CAST: variants seen among roughly 807,000 people sequenced by gnomAD.
CAST encodes the protein calpastatin.
CAST carries 76 observed loss-of-function variants against 119.6 expected under a neutral mutation model. That is an observed-to-expected ratio of 0.64 (90% CI 0.53 to 0.77). The LOEUF is 0.77. Among genes scored for constraint, CAST ranks in the 30% least tolerant of loss-of-function variants. CAST has a pLI of 0.00. For missense variants in CAST, 953 were observed against 946.5 expected, an observed-to-expected ratio of 1.01 and a Z score of -0.09; for synonymous variants, 319 against 331.6, an observed-to-expected ratio of 0.96 and a Z score of 0.41.
At chr5:96,320,274 G>C in the CAST span, among the ~76,000 whole-genome samples, 37 of 139,092 alleles carry the variant, frequency 2.7e-4, no homozygotes, top group Non-Finnish European at 3.8e-4. Context: ...TTTTTGCCCA[G>C]GTTCCCAGAC....
At chr5:96,008,738 C>G in the CAST span, among the ~76,000 whole-genome samples, 1 of 152,164 alleles carries the variant, frequency 6.6e-6, no homozygotes, top group Non-Finnish European at 1.5e-5. Flanking sequence ...TGAGATCATT[C>G]TAATGAGAAG....
intron 1 of CAST, among the ~76,000 whole-genome samples, chr5:96,548,828 C>T (rs1171847720): frequency 2.0e-5 from 3 of 152,232 alleles, no homozygotes; most frequent in Middle Eastern, 3.4e-3. Context: ...TGGATAAGTA[C>T]CAAAATTCAG....
intron 1 of CAST, among the ~76,000 whole-genome samples, chr5:96,542,996 C>T (rs1310002605): frequency 1.3e-5 from 2 of 152,224 alleles, no homozygotes; most frequent in East Asian, 3.9e-4. Flanking sequence ...GGATCTAGAA[C>T]CAGAAATAAC....
the CAST span, among the ~76,000 whole-genome samples, chr5:96,337,434 A>G: frequency 1.3e-5 from 2 of 152,250 alleles, no homozygotes; most frequent in East Asian, 1.9e-4. Flanking sequence ...GTCAATTGAC[A>G]TTGAACTTCA....
chr5:96,144,968 G>A, the CAST span, among the ~76,000 whole-genome samples: 2 of 152,210 alleles, frequency 1.3e-5, no homozygotes, highest in South Asian at 2.1e-4. Flanking sequence ...AAAATTTACT[G>A]CCCATATAAT....
the CAST span, among the ~76,000 whole-genome samples, chr5:96,453,635 C>A: frequency 1.3e-5 from 2 of 152,316 alleles, no homozygotes; most frequent in South Asian, 4.1e-4. Context: ...TGCTGTGCTC[C>A]TCTCAGTGGC....
chr5:96,373,502 C>T, the CAST span, among the ~76,000 whole-genome samples: 40 of 152,302 alleles, frequency 2.6e-4, no homozygotes, highest in African/African-American at 9.1e-4. Context: ...TTTTCAGGAA[C>T]AGCCAGTTTT....
the CAST span, among the ~76,000 whole-genome samples, chr5:96,425,614 G>T: frequency 5.3e-5 from 8 of 151,752 alleles, no homozygotes; most frequent in Non-Finnish European, 1.0e-4. Flanking sequence ...TTTCACAGCA[G>T]CTAAAGATAT....
At chr5:96,021,455 T>C in the CAST span, among the ~76,000 whole-genome samples, 1 of 151,182 alleles carries the variant, frequency 6.6e-6, no homozygotes, top group African/African-American at 2.4e-5. Flanking sequence ...AGCATTTTCT[T>C]TTTTTTTTGA....
At chr5:96,032,700 G>A in the CAST span, among the ~76,000 whole-genome samples, 1 of 152,000 alleles carries the variant, frequency 6.6e-6, no homozygotes, top group Admixed American at 6.6e-5. Context: ...TCCCTCAAAT[G>A]TGCCAGACAA....
chr5:96,636,355 G>A (rs1018310776), intron 1 of CAST, among the ~76,000 whole-genome samples: 1 of 152,124 alleles, frequency 6.6e-6, no homozygotes, highest in Non-Finnish European at 1.5e-5. Flanking sequence ...ATTCACAATG[G>A]CCTGTCCACC....
the CAST span, among the ~76,000 whole-genome samples, chr5:96,373,685 GT>G: frequency 6.6e-6 from 1 of 152,148 alleles, no homozygotes; most frequent in South Asian, 2.1e-4. Flanking sequence ...TACCTAAGCA[GT>G]TTTATCATCT....
the CAST span, among the ~76,000 whole-genome samples, chr5:96,355,490 C>T: frequency 6.6e-6 from 1 of 152,102 alleles, no homozygotes; most frequent in Non-Finnish European, 1.5e-5. Flanking sequence ...AATAAACATA[C>T]GTGTGCATGT....
chr5:96,695,859 C>T lies in CAST; in HGVS notation c.162C>T (p.Ser54=). 6.2e-7 allele frequency: 1 copy of T among 1,612,910 alleles called. No homozygotes were observed. Among genetic ancestry groups the T allele is most frequent in the Non-Finnish European group, 8.5e-7 (1 of 1,179,208 alleles). ...AGAAAAAAGCAGCAAGCCTCGGCAG[C>T]AGTCAATCCTCCAGAACCTATGCTG... is the stretch of plus-strand genomic sequence containing the variant. ...SDEKKAASLG[S]SQSSRTYAGG... The change falls in exon 3 of 32, where the codon AGC becomes AGT. Residue 54 remains serine, a synonymous_variant. Transcript: ENST00000675179.
At chr5:96,441,438 A>G in the CAST span, among the ~76,000 whole-genome samples, 2 of 152,164 alleles carry the variant, frequency 1.3e-5, no homozygotes, top group African/African-American at 2.4e-5. Context: ...ACTAAAATGC[A>G]GGCAAGTGAA....
the CAST span, among the ~76,000 whole-genome samples, chr5:96,281,843 C>T: frequency 1.8e-4 from 28 of 152,204 alleles, no homozygotes; most frequent in South Asian, 4.6e-3. Flanking sequence ...TGTGTAAGAC[C>T]ATTTGCCTAG....
the CAST span, among the ~76,000 whole-genome samples, chr5:96,110,696 A>G: frequency 1.3e-5 from 2 of 152,204 alleles, no homozygotes; most frequent in Non-Finnish European, 2.9e-5. Flanking sequence ...AATGGGGAAA[A>G]TGAGGCCTGC....
chr5:96,507,136 G>A, the CAST span, among the ~76,000 whole-genome samples: 7 of 152,206 alleles, frequency 4.6e-5, no homozygotes, highest in South Asian at 6.2e-4. Flanking sequence ...GTATTGGCCC[G>A]AATGCTCAAG....
chr5:96,009,284 A>G, the CAST span, among the ~76,000 whole-genome samples: 1 of 152,234 alleles, frequency 6.6e-6, no homozygotes, highest in Non-Finnish European at 1.5e-5. Flanking sequence ...GAGTGATTGT[A>G]TCTTTTTGGT....
Sources: allele counts gnomAD v4.1 joint callset (sites outside exome capture counted in the v4.1 genomes callset), GRCh38; gene constraint gnomAD v4.1.1; transcripts MANE v1.5; gene names NCBI Gene and HGNC (gene_info 2026-07-23, HGNC 2026-07-21).